POLE: variants seen among roughly 807,000 people sequenced by gnomAD.
POLE encodes DNA polymerase epsilon, catalytic subunit.
A neutral mutation model predicts 279.2 loss-of-function variants in POLE; 188 were observed. The observed-to-expected ratio is 0.67, with a 90% CI of 0.60 to 0.76. The LOEUF (loss-of-function observed/expected upper bound fraction) is 0.76. POLE is among the 30% of genes least tolerant of loss of function. The probability of loss-of-function intolerance (pLI) is 0.00; values close to 1 mark genes in which losing one functional copy is unlikely to be tolerated. For synonymous variants in POLE, 1,214 were observed against 1,172.5 expected (o/e 1.04, Z -0.72); for missense variants, 2,703 against 3,016.7 (o/e 0.90, Z 2.44).
chr12:132,679,673 C>T (rs1295619747), intron 5 of POLE, 22 bp from the exon 6 acceptor site: 1 of 1,598,116 alleles, frequency 6.3e-7, no homozygotes, highest in Non-Finnish European at 8.6e-7. Context: ...AGAGATCACG[C>T]TCATTGGTTC....
rs1263904781 is a variant in POLE at position 132,665,438 on chromosome 12, T to G, written c.2332A>C (p.Lys778Gln). 3.7e-6 allele frequency: 6 copies of G among 1,610,994 alleles called. No individual in the cohort carries two copies. Among genetic ancestry groups the G allele is most frequent in the Non-Finnish European group, 4.2e-6 (5 of 1,179,690 alleles). The change falls in exon 21 of 49, where the codon AAG becomes CAG. Residue 778 changes from lysine to glutamine, a missense_variant. Physicochemically the swap from Lys to Gln is moderately conservative, Grantham distance 53. Coordinates refer to ENST00000320574, the MANE Select transcript of POLE (RefSeq NM_006231.4). ...FKGLHKVWKK[K>Q]LSAAVEVGDA... ...CCCACCTCCACGGCCGCCGAGAGCT[T>G]CTTTTTCCACACCTGAGAAGCACAT...
At chr12:132,650,674 TA>T (rs2138620017) in intron 29 of POLE, 1 of 152,278 alleles carries the variant, frequency 6.6e-6, no homozygotes, top group Non-Finnish European at 1.5e-5. Flanking sequence ...CACCAATAAG[TA>T]AATCTTTGCA....
At position 132,683,336 on chromosome 12, in the gene POLE, G is replaced by A. The variant is rs114120389; in HGVS notation, c.63-2057C>T. Among the ~76,000 whole-genome samples the A allele has an allele frequency of 2.7e-3, 414 of 152,258 alleles. 2 individuals carry two copies. The highest frequency in any genetic ancestry group is 9.5e-3 in the African/African-American group (396 of 41,536). ...AAGGGATGGGAGAGAGAGGGTAGGG[G>A]GGAGAGGAGATGCAACCCTTGGTTC... On this transcript the variant is annotated intron_variant, in intron 1 of 48. Transcript: ENST00000320574.
Position 132,627,204 on chromosome 12 carries a change from C to T in POLE, c.6331-887G>A, listed in dbSNP as rs988986924. 4.6e-5 allele frequency among the ~76,000 whole-genome samples: 7 copies of T among 152,190 alleles called. No homozygotes were observed. In the East Asian group the frequency reaches 1.4e-3, roughly 29 times the overall value. Reference sequence around the variant, plus strand: ...AGGCTGAAGCAGGGAATCGCTTGAACCCAGGAGGTGGAGGTTGCAGTTAGC... The same window carrying T: ...AGGCTGAAGCAGGGAATCGCTTGAATCCAGGAGGTGGAGGTTGCAGTTAGC... On this transcript the variant is annotated intron_variant, in intron 45 of 48. Coordinates refer to ENST00000320574, the MANE Select transcript of POLE (RefSeq NM_006231.4).
Position 132,680,132 on chromosome 12 carries a change from G to C in POLE, c.330+46C>G, listed in dbSNP as rs942671528. ...TTTCCCAGTTGCAAAGCCCACCACA[G>C]AATGACACACAGGTCGTCTGACCTG... On this transcript the variant is annotated intron_variant, in intron 4 of 48. Transcript: ENST00000320574. 3.7e-6 allele frequency: 6 copies of C among 1,601,822 alleles called. No homozygotes were observed. Among genetic ancestry groups the C allele is most frequent in the Non-Finnish European group, 5.1e-6 (6 of 1,168,920 alleles).
At position 132,679,645 on chromosome 12, in the gene POLE, G is replaced by T. The variant is rs2136027826; in HGVS notation, c.430C>A (p.His144Asn). The change falls in exon 6 of 49, where the codon CAC (histidine) becomes AAC (asparagine). Residue 144 changes from histidine (H) to asparagine (N), a missense_variant. Coordinates refer to ENST00000320574, the MANE Select transcript of POLE (RefSeq NM_006231.4). ...VPKEDLDLPN[H>N]LVGLKRNYIR... ...TAATTTCGCTTCAAACCCACCAAGT[G>T]ATTTGGCTATAATGCGAAGAGATCA... is the stretch of plus-strand genomic sequence containing the variant. 1 of 1,609,542 alleles carries T rather than the reference G, an allele frequency of 6.2e-7. No homozygotes were observed. Among genetic ancestry groups the T allele is most frequent in the Non-Finnish European group, 8.5e-7 (1 of 1,176,034 alleles).
chr12:132,639,490 T>C lies in POLE; in HGVS notation c.5379-192A>G, dbSNP rs1056060752. 6.6e-6 allele frequency among the ~76,000 whole-genome samples: 1 copy of C among 152,186 alleles called. No homozygotes were observed. Among genetic ancestry groups the C allele is most frequent in the African/African-American group, 2.4e-5 (1 of 41,432 alleles). On this transcript the variant is annotated intron_variant, in intron 39 of 48. Coordinates refer to ENST00000320574, the MANE Select transcript of POLE (RefSeq NM_006231.4). This position sits in a 1 kb window ranked among gnomAD's most constrained non-coding sequence, Gnocchi z 4.7. ...TTCATCCCTTCACCCTCATGCCTCA[T>C]CTGTTTCTTCCCATTTCATTCCTTA... is the stretch of plus-strand genomic sequence containing the variant.
rs555503775 is a variant in POLE at position 132,634,588 on chromosome 12, G to C, written c.5812-210C>G. Among the ~76,000 whole-genome samples, 61 of 152,292 alleles carry C rather than the reference G, an allele frequency of 4.0e-4. No individual in the cohort carries two copies. The highest frequency in any genetic ancestry group is 6.5e-4 in the Non-Finnish European group (44 of 68,012). Reference sequence around the variant, plus strand: ...CTTTGTGGGAAGCGCCTGGCACACAGAAGTGCTCGTGACCTGGGACTGTGA... The same window carrying C: ...CTTTGTGGGAAGCGCCTGGCACACACAAGTGCTCGTGACCTGGGACTGTGA... On this transcript the variant is annotated intron_variant, in intron 42 of 48. Coordinates refer to ENST00000320574, the MANE Select transcript of POLE (RefSeq NM_006231.4). The surrounding 1 kb of genome is among the most constrained non-coding windows in gnomAD (Gnocchi z 4.0).
intron 1 of POLE, among the ~76,000 whole-genome samples, chr12:132,685,840 T>C (rs909070722): frequency 6.6e-6 from 1 of 152,098 alleles, no homozygotes; most frequent in Non-Finnish European, 1.5e-5. Flanking sequence ...TTCAGCTAAG[T>C]GTCTGTAAAA....
intron 41 of POLE, among the ~76,000 whole-genome samples, chr12:132,636,367 T>C (rs1306382883): frequency 6.9e-6 from 1 of 145,704 alleles, no homozygotes; most frequent in Non-Finnish European, 1.5e-5. Context: ...TTTTAAGCTA[T>C]CGTCATCCTT....
intron 45 of POLE, 126 bp downstream of exon 45, chr12:132,632,189 A>T (rs1351807684): frequency 4.1e-6 from 3 of 728,338 alleles, no homozygotes; most frequent in African/African-American, 3.5e-5. Context: ...CGGTGTCCTT[A>T]TCTTGCACAC....
rs2043041691 is a variant in POLE at position 132,675,972 on chromosome 12, C to T, written c.1020+122G>A. 2.2e-6 allele frequency: 2 copies of T among 917,650 alleles called. No individual in the cohort carries two copies. The highest frequency in any genetic ancestry group is 1.5e-5 in the South Asian group (1 of 67,160). The allele number at this position is 917,650 out of a possible 1,614,324, so 56.8% of individuals were successfully genotyped here. A position where few individuals can be genotyped will look rare whatever the true frequency, so the allele number is the denominator to read the frequency against. On this transcript the variant is annotated intron_variant, in intron 10 of 48. Transcript: ENST00000320574. The surrounding 1 kb of genome is among the most constrained non-coding windows in gnomAD (Gnocchi z 4.3). ...GTCTCTGGCAGAAAAGACGGTCATACCCTGAGAACAAAGCTCATGGAGCTG... is the reference window on the plus strand; with the variant it reads ...GTCTCTGGCAGAAAAGACGGTCATATCCTGAGAACAAAGCTCATGGAGCTG...
At position 132,661,460 on chromosome 12, in the gene POLE, T is replaced by C; in HGVS notation, c.2864+67A>G. 1 of 1,545,734 alleles carries C rather than the reference T, an allele frequency of 6.5e-7. No individual in the cohort carries two copies. Among genetic ancestry groups the C allele is most frequent in the Non-Finnish European group, 8.8e-7 (1 of 1,132,404 alleles). ...TCCTGGCTCCTGATCCAACCTCCTT[T>C]CTGGGCTAAATTTAATCTATCTCAA... On this transcript the variant is annotated intron_variant, in intron 24 of 48. Transcript: ENST00000320574. The surrounding 1 kb of genome is among the most constrained non-coding windows in gnomAD (Gnocchi z 4.1).
Position 132,632,701 on chromosome 12 carries a change from G to T in POLE, c.6099C>A (p.Leu2033=). ...TPVRRRGASQ[L]SQEAEGAVGA... ...CGACCGCCCCCTCGGCCTCCTGGGA[G>T]AGCTGGCTGGCCCCCCTCCTCCTCA... Residue 2033 remains leucine, a synonymous_variant, in exon 44 of 49, where the codon CTC becomes CTA. Coordinates refer to ENST00000320574, the MANE Select transcript of POLE (RefSeq NM_006231.4). 1 of 1,613,968 alleles carries T rather than the reference G, an allele frequency of 6.2e-7. No homozygotes were observed. The highest frequency in any genetic ancestry group is 2.2e-5 in the East Asian group (1 of 44,848).
In POLE at chr12:132,665,339, T is replaced by C. The variant is rs2042769526; in HGVS notation, c.2431A>G (p.Ile811Val). 1 of 1,613,932 alleles carries C rather than the reference T, an allele frequency of 6.2e-7. No homozygotes were observed. The highest frequency in any genetic ancestry group is 1.3e-5 in the African/African-American group (1 of 74,886). ...ACATAGCCATAGAAGGAGTTCAGGA[T>C]GCACTTGTGGGCCAGCTGCAGCGAG... ...YDSLQLAHKC[I>V]LNSFYGYVMR... Residue 811 changes from isoleucine to valine, a missense_variant, in exon 21 of 49, where the codon ATC becomes GTC. Ile to Val is a conservative substitution (Grantham distance 29). Coordinates refer to ENST00000320574, the MANE Select transcript of POLE (RefSeq NM_006231.4).
chr12:132,672,973 C>T, intron 14 of POLE, 134 bp from the exon 15 acceptor site: 1 of 861,522 alleles, frequency 1.2e-6, no homozygotes, highest in Non-Finnish European at 1.8e-6. Flanking sequence ...CAAATTCTGC[C>T]TCCTGTGGTT....
intron 29 of POLE, among the ~76,000 whole-genome samples, chr12:132,656,419 C>T (rs1052097835): frequency 3.3e-5 from 5 of 151,260 alleles, no homozygotes; most frequent in African/African-American, 4.9e-5. Context: ...AGTGCAGTGG[C>T]GTGATCTCGG....
At chr12:132,627,770 G>A (rs1043088863) in intron 45 of POLE, among the ~76,000 whole-genome samples, 4 of 152,210 alleles carry the variant, frequency 2.6e-5, no homozygotes, top group African/African-American at 9.6e-5. Context: ...TTGCCTCAAT[G>A]TAAACGGCTG....
chr12:132,632,608 G>A, intron 44 of POLE, 56 bp downstream of exon 44: 1 of 1,612,484 alleles, frequency 6.2e-7, no homozygotes, highest in Non-Finnish European at 8.5e-7. Flanking sequence ...ATGGCACACA[G>A]AGGAGTTAGG....
Sources: allele counts gnomAD v4.1 joint callset (sites outside exome capture counted in the v4.1 genomes callset), GRCh38; gene constraint gnomAD v4.1.1; non-coding constraint Gnocchi (gnomAD v3.1); transcripts MANE v1.5; gene names NCBI Gene and HGNC (gene_info 2026-07-23, HGNC 2026-07-21).